The following PTGS1 variants were observed in gnomAD, a reference collection of about 807,000 sequenced individuals.
PTGS1 encodes prostaglandin-endoperoxide synthase 1.
A neutral mutation model predicts 63.0 loss-of-function variants in PTGS1; 40 were observed. The observed-to-expected ratio is 0.63, with a 90% CI of 0.49 to 0.83. The LOEUF is 0.83. Among genes scored for constraint, PTGS1 ranks in the 40% least tolerant of loss-of-function variants. The pLI is 0.00. For synonymous variants in PTGS1, 298 were observed against 301.9 expected (o/e 0.99, Z 0.13); for missense variants, 709 against 786.5 (o/e 0.90, Z 1.18).
chr9:122,378,353 C>T, intron 3 of PTGS1, 80 bp from the exon 4 acceptor site: 2 of 1,590,662 alleles, frequency 1.3e-6, no homozygotes, highest in Non-Finnish European at 1.7e-6. Context: ...GGCCCTTGTC[C>T]TCAGTGCCCC....
At position 122,392,549 on chromosome 9, in the gene PTGS1, C is replaced by A; in HGVS notation, c.*5C>A. On this transcript the variant is annotated 3_prime_UTR_variant, in exon 11 of 11. Coordinates refer to ENST00000362012, the MANE Select transcript of PTGS1 (RefSeq NM_000962.4). ...CGACCATCCACAGAGCTCTGAGGGG[C>A]AGGAAAGCAGCATTCTGGAGGGGAG... 1 of 1,606,926 alleles carries A rather than the reference C, an allele frequency of 6.2e-7. No homozygotes were observed. Among genetic ancestry groups the A allele is most frequent in the Non-Finnish European group, 8.5e-7 (1 of 1,174,746 alleles).
chr9:122,379,239 A>T (rs1169934661), intron 5 of PTGS1, among the ~76,000 whole-genome samples: 5 of 152,124 alleles, frequency 3.3e-5, no homozygotes. Context: ...TGAGCTATTT[A>T]TTGGGTGCTG....
rs3842799 is a variant in PTGS1, at chr9:122,386,458, A to G, written c.1022A>G (p.Lys341Arg). The change falls in exon 9 of 11, where the codon AAG (lysine) becomes AGG (arginine). Residue 341 changes from lysine to arginine, a missense_variant. By Grantham distance (26) the Lys-to-Arg change is conservative. Transcript: ENST00000362012. ...CTGCCCTGCCCAGGGGAGACCATCA[A>G]GATTGTCATCGAGGAGTACGTGCAG... ...TRLILIGETI[K>R]IVIEEYVQQL... The G allele has an allele frequency of 6.7e-4, 1,081 of 1,614,172 alleles. 8 individuals are homozygous for G. The African/African-American group carries it at 0.013, about 19-fold the overall frequency.
Position 122,378,778 on chromosome 9 carries a change from G to C in PTGS1, c.356G>C (p.Arg119Pro). Residue 119 changes from arginine (R) to proline (P), a missense_variant, in exon 5 of 11, where the codon CGC (arginine) becomes CCC (proline). Arg to Pro is a moderately radical substitution (Grantham distance 103, BLOSUM62 -2). Transcript: ENST00000362012. Reference sequence around the variant, plus strand: ...CCGTTATTTTTGCTCTCTGCAGTGCGCTCCAACCTTATCCCCAGTCCCCCC... The same window carrying C: ...CCGTTATTTTTGCTCTCTGCAGTGCCCTCCAACCTTATCCCCAGTCCCCCC... ...EMLMRLVLTV[R>P]SNLIPSPPTY... 1.9e-6 allele frequency: 3 copies of C among 1,614,170 alleles called. 1 individual carries two copies. The highest frequency in any genetic ancestry group is 2.2e-5 in the South Asian group (2 of 91,086).
Position 122,383,735 on chromosome 9 carries a change from C to A in PTGS1, c.989C>A (p.Thr330Lys), listed in dbSNP as rs543848883. 6.2e-7 allele frequency: 1 copy of A among 1,611,642 alleles called. No homozygotes were observed. The highest frequency in any genetic ancestry group is 8.5e-7 in the Non-Finnish European group (1 of 1,179,902). Residue 330 changes from threonine to lysine, a missense_variant, in exon 8 of 11, where the codon ACG becomes AAG. By Grantham distance (78) the Thr-to-Lys change is moderately conservative (BLOSUM62 -1). Coordinates refer to ENST00000362012, the MANE Select transcript of PTGS1 (RefSeq NM_000962.4). ...TGGGGCGATGAGCAGCTTTTCCAGA[C>A]GACCCGCCTCATCCTCATAGGTGAG... ...PTWGDEQLFQ[T>K]TRLILIGETI...
intron 10 of PTGS1, among the ~76,000 whole-genome samples, chr9:122,391,344 ATAC>A (rs1838227634): frequency 1.7e-5 from 2 of 120,484 alleles, no homozygotes; most frequent in South Asian, 4.6e-4. Context: ...GTGTATATAT[ATAC>A]TATATATATA....
At position 122,378,464 on chromosome 9, in the gene PTGS1, G is replaced by T. The variant is rs1837315241; in HGVS notation, c.243G>T (p.Leu81=). The T allele has an allele frequency of 6.2e-7, 1 of 1,614,116 alleles. No homozygotes were observed. Among genetic ancestry groups the T allele is most frequent in the African/African-American group, 1.3e-5 (1 of 75,040 alleles). The change falls in exon 4 of 11, where the codon CTG becomes CTT. Residue 81 remains leucine (L), a synonymous_variant. Coordinates refer to ENST00000362012, the MANE Select transcript of PTGS1 (RefSeq NM_000962.4). ...PGLWTWLRNS[L]RPSPSFTHFL... Reference sequence around the variant, plus strand: ...TGTGGACCTGGCTCCGGAATTCACTGCGGCCCAGCCCCTCTTTCACCCACT... The same window carrying T: ...TGTGGACCTGGCTCCGGAATTCACTTCGGCCCAGCCCCTCTTTCACCCACT...
chr9:122,378,511 G>T lies in PTGS1; in HGVS notation c.290G>T (p.Trp97Leu). The change falls in exon 4 of 11, where the codon TGG becomes TTG. Residue 97 changes from tryptophan to leucine, a missense_variant. Physicochemically the swap from Trp to Leu is moderately conservative, Grantham distance 61. Coordinates refer to ENST00000362012, the MANE Select transcript of PTGS1 (RefSeq NM_000962.4). ...FTHFLLTHGR[W>L]FWEFVNATFI... ...CACTTCCTGCTCACTCACGGGCGCT[G>T]GTTCTGGGAGTTTGTCAATGCCACC... is the stretch of plus-strand genomic sequence containing the variant. 1 of 1,614,234 alleles carries T rather than the reference G, an allele frequency of 6.2e-7. No homozygotes were observed. Among genetic ancestry groups the T allele is most frequent in the East Asian group, 2.2e-5 (1 of 44,886 alleles).
chr9:122,391,117 T>G (rs1838195839), intron 10 of PTGS1, among the ~76,000 whole-genome samples: 2 of 151,384 alleles, frequency 1.3e-5, no homozygotes, highest in Admixed American at 1.3e-4. Context: ...ATAAAAATCA[T>G]TTAGAAAGCT....
chr9:122,371,118 G>A, intron 1 of PTGS1, 27 bp downstream of exon 1: 1 of 1,605,256 alleles, frequency 6.2e-7, no homozygotes, highest in Non-Finnish European at 8.5e-7. Flanking sequence ...TGCCCGGTGG[G>A]GAATTTTCTT....
chr9:122,373,633 C>A (rs1836935091), intron 2 of PTGS1, among the ~76,000 whole-genome samples: 1 of 152,218 alleles, frequency 6.6e-6, no homozygotes, highest in South Asian at 2.1e-4. Context: ...GCAGAGGAGC[C>A]CCAGGCCAGC....
Position 122,395,653 on chromosome 9 carries a change from A to G in PTGS1, c.*3109A>G, listed in dbSNP as rs199533739. On this transcript the variant is annotated 3_prime_UTR_variant, in exon 11 of 11. Coordinates refer to ENST00000362012, the MANE Select transcript of PTGS1 (RefSeq NM_000962.4). ...TGCCCTATGGATTTGAAGTTTGCCA[A>G]CCCCAACAATTGTGTGAATTAATTT... 7 of 152,216 alleles carry G rather than the reference A, an allele frequency of 4.6e-5. No homozygotes were observed. Among genetic ancestry groups the G allele is most frequent in the East Asian group, 1.9e-4 (1 of 5,166 alleles). The allele number at this position is 152,216 out of a possible 1,614,324, so 9.4% of individuals were successfully genotyped here.
intron 9 of PTGS1, 24 bp downstream of exon 9, chr9:122,386,756 G>T: frequency 1.2e-6 from 2 of 1,609,118 alleles, no homozygotes; most frequent in Non-Finnish European, 1.7e-6. Flanking sequence ...GAGTGCTGGT[G>T]AGGGCAGGTG....
chr9:122,379,047 A>T, intron 5 of PTGS1, 129 bp downstream of exon 5: 1 of 1,290,276 alleles, frequency 7.8e-7, no homozygotes, highest in Non-Finnish European at 1.1e-6. Flanking sequence ...AAGACATATG[A>T]CATGTCCAGA....
chr9:122,376,916 G>T (rs554360950), intron 2 of PTGS1, among the ~76,000 whole-genome samples: 1 of 152,312 alleles, frequency 6.6e-6, no homozygotes, highest in South Asian at 2.1e-4. Flanking sequence ...AGGGGGTGGT[G>T]GTCTGAGGGA....
At chr9:122,377,867 C>T in intron 2 of PTGS1, 32 bp from the exon 3 acceptor site, 1 of 1,591,992 alleles carries the variant, frequency 6.3e-7, no homozygotes, top group Non-Finnish European at 8.6e-7. Context: ...GCCACCCTAG[C>T]ATGGTCTCTG....
intron 8 of PTGS1, 84 bp from the exon 9 acceptor site, chr9:122,386,362 C>T: frequency 1.4e-6 from 2 of 1,422,628 alleles, no homozygotes; most frequent in Non-Finnish European, 1.9e-6. Flanking sequence ...AAGCAAGCAC[C>T]TCTCATGAAC....
At chr9:122,384,766 G>C (rs1000514376) in intron 8 of PTGS1, among the ~76,000 whole-genome samples, 2 of 152,136 alleles carry the variant, frequency 1.3e-5, no homozygotes, top group Non-Finnish European at 2.9e-5. Context: ...GAATGGGAAG[G>C]GGTTGCAAAC....
Position 122,395,085 on chromosome 9 carries a change from G to C in PTGS1, c.*2541G>C, listed in dbSNP as rs370599526. 6.6e-6 allele frequency: 1 copy of C among 152,604 alleles called. No individual in the cohort carries two copies. The highest frequency in any genetic ancestry group is 2.4e-5 in the African/African-American group (1 of 41,476). The allele number at this position is 152,604 out of a possible 1,614,324, so 9.5% of individuals were successfully genotyped here. ...ACAGGAAGCTGGCAGAACGGAGGAG[G>C]CTGCAGCCGTGGTCCAACCAGGAGC... On this transcript the variant is annotated 3_prime_UTR_variant, in exon 11 of 11. Coordinates refer to ENST00000362012, the MANE Select transcript of PTGS1 (RefSeq NM_000962.4).
Sources: allele counts gnomAD v4.1 joint callset (sites outside exome capture counted in the v4.1 genomes callset), GRCh38; gene constraint gnomAD v4.1.1; transcripts MANE v1.5; gene names NCBI Gene and HGNC (gene_info 2026-07-23, HGNC 2026-07-21).